The following ADK variants were observed in gnomAD, a reference collection of about 807,000 sequenced individuals.
ADK encodes the protein adenosine kinase.
ADK carries 24 observed loss-of-function variants against 44.7 expected under a neutral mutation model. The observed-to-expected ratio is 0.54, with a 90% CI of 0.39 to 0.76. The LOEUF is 0.76. Among genes scored for constraint, ADK ranks in the 30% least tolerant of loss-of-function variants. The pLI is 0.00. For missense variants in ADK, 321 were observed against 425.1 expected, an observed-to-expected ratio of 0.76 and a Z score of 2.15; for synonymous variants, 128 against 142.6, an observed-to-expected ratio of 0.90 and a Z score of 0.73.
chr10:74,615,747 C>T (rs1409905380), intron 9 of ADK, among the ~76,000 whole-genome samples: 2 of 152,048 alleles, frequency 1.3e-5, no homozygotes, highest in South Asian at 2.1e-4. Flanking sequence ...CTCACTCTGT[C>T]GCCCAGGCTG....
intron 3 of ADK, among the ~76,000 whole-genome samples, chr10:74,262,180 A>G (rs1252445380): frequency 6.6e-6 from 1 of 152,040 alleles, no homozygotes; most frequent in Non-Finnish European, 1.5e-5. Context: ...TTAGCTGGGT[A>G]TGGTGGCAGG....
intron 3 of ADK, among the ~76,000 whole-genome samples, chr10:74,248,165 A>G (rs780416207): frequency 6.6e-6 from 1 of 152,188 alleles, no homozygotes; most frequent in Non-Finnish European, 1.5e-5. Context: ...TGTAGAAGAC[A>G]TGGACTGAGT....
chr10:74,644,826 G>A (rs779392118), intron 9 of ADK, among the ~76,000 whole-genome samples: 2 of 152,060 alleles, frequency 1.3e-5, no homozygotes, highest in Non-Finnish European at 2.9e-5. Context: ...CACCATACCC[G>A]GCCTGGTTTT....
At chr10:74,221,693 A>G (rs1454191805) in intron 2 of ADK, among the ~76,000 whole-genome samples, 11 of 146,692 alleles carry the variant, frequency 7.5e-5, no homozygotes, top group Non-Finnish European at 1.2e-4. Flanking sequence ...ATGGAACAGA[A>G]CAGAGCCCTC....
At chr10:74,603,483 C>T (rs1299977253) in intron 9 of ADK, among the ~76,000 whole-genome samples, 1 of 152,072 alleles carries the variant, frequency 6.6e-6, no homozygotes, top group East Asian at 1.9e-4. Flanking sequence ...TGTTCAATTC[C>T]CACTTATGAG....
At chr10:74,176,496 T>G in intron 1 of ADK, 2 of 1,165,012 alleles carry the variant, frequency 1.7e-6, no homozygotes, top group Non-Finnish European at 2.1e-6. Context: ...GCGCGGCCAT[T>G]TTTGGGGCGG....
intron 10 of ADK, among the ~76,000 whole-genome samples, chr10:74,704,534 T>C (rs891407560): frequency 5.3e-5 from 8 of 152,218 alleles, no homozygotes; most frequent in Non-Finnish European, 1.2e-4. Context: ...TTCATTTTAG[T>C]TGGTTTTTAA....
At chr10:74,660,729 CAAA>C (rs747443907) in intron 9 of ADK, among the ~76,000 whole-genome samples, 4 of 92,830 alleles carry the variant, frequency 4.3e-5, no homozygotes, top group Non-Finnish European at 6.0e-5. Flanking sequence ...GACCCTGTCT[CAAA>C]AAAAAAAAAA....
intron 4 of ADK, among the ~76,000 whole-genome samples, chr10:74,329,611 G>A (rs1841148333): frequency 6.6e-6 from 1 of 152,200 alleles, no homozygotes; most frequent in Non-Finnish European, 1.5e-5. Context: ...ATGGATGGAT[G>A]TTAGGTGACC....
At chr10:74,195,181 A>G (rs530620145) in intron 1 of ADK, among the ~76,000 whole-genome samples, 2 of 152,260 alleles carry the variant, frequency 1.3e-5, no homozygotes, top group African/African-American at 4.8e-5. Context: ...TAATCCCAGT[A>G]CGGGTTAGTC....
At chr10:74,394,362 C>T in intron 5 of ADK, 49 bp downstream of exon 5, 2 of 1,543,702 alleles carry the variant, frequency 1.3e-6, no homozygotes, top group Non-Finnish European at 1.8e-6. Context: ...TATTTTAACA[C>T]TGGTAAAATA....
At chr10:74,446,013 C>T (rs889606884) in intron 6 of ADK, among the ~76,000 whole-genome samples, 3 of 151,930 alleles carry the variant, frequency 2.0e-5, no homozygotes, top group African/African-American at 7.2e-5. Flanking sequence ...TATTTTATTA[C>T]ATTTAAATAG....
chr10:74,346,984 G>C (rs1337890997), intron 4 of ADK, among the ~76,000 whole-genome samples: 1 of 151,638 alleles, frequency 6.6e-6, no homozygotes. Context: ...GTGGGCACCT[G>C]TAGTCCCAGC....
intron 1 of ADK, among the ~76,000 whole-genome samples, chr10:74,172,064 A>C (rs2132056752): frequency 6.6e-6 from 1 of 152,006 alleles, no homozygotes; most frequent in African/African-American, 2.4e-5. Context: ...ATTTTGAGAG[A>C]ATAAACTTTT....
chr10:74,645,869 G>C (rs1234727970), intron 9 of ADK, among the ~76,000 whole-genome samples: 1 of 151,976 alleles, frequency 6.6e-6, no homozygotes, highest in African/African-American at 2.4e-5. Flanking sequence ...GCATTTTTTC[G>C]ATATTATCAT....
Position 74,398,532 on chromosome 10 carries a change from G to A in ADK, c.508G>A (p.Glu170Lys). The A allele has an allele frequency of 6.2e-7, 1 of 1,611,698 alleles. No homozygotes were observed. The highest frequency in any genetic ancestry group is 8.5e-7 in the Non-Finnish European group (1 of 1,178,526). Residue 170 changes from glutamate to lysine, a missense_variant, in exon 6 of 11, where the codon GAG (glutamate) becomes AAG (lysine). Glu to Lys is a moderately conservative substitution (Grantham distance 56). Coordinates refer to ENST00000539909, the MANE Select transcript of ADK (RefSeq NM_006721.4). The part of the protein sequence containing the change: ...CYKKEKHLDL[E>K]KNWMLVEKAR... ...TAAAAAGGAAAAACATCTTGATCTG[G>A]AGAAAAACTGGATGTTGGTAGAAAA...
intron 7 of ADK, among the ~76,000 whole-genome samples, chr10:74,547,712 G>A (rs936672047): frequency 2.0e-5 from 3 of 151,836 alleles, no homozygotes; most frequent in African/African-American, 7.3e-5. Flanking sequence ...GGCTAAGAGT[G>A]CAATAGCGCC....
At chr10:74,174,338 A>AG (rs1842258124) in intron 1 of ADK, 1 of 148,606 alleles carries the variant, frequency 6.7e-6, no homozygotes, top group African/African-American at 2.5e-5. Flanking sequence ...AAAAAAAAAA[A>AG]GAACCAGCTT....
At chr10:74,447,634 A>G (rs549501219) in intron 6 of ADK, among the ~76,000 whole-genome samples, 6 of 152,266 alleles carry the variant, frequency 3.9e-5, no homozygotes, top group African/African-American at 1.4e-4. Flanking sequence ...AGTTAAGATA[A>G]TTCTGAAGGC....
Sources: gnomAD v4.1 joint callset for allele counts (sites outside exome capture counted in the v4.1 genomes callset) on GRCh38, gnomAD v4.1.1 for gene constraint, MANE v1.5 for transcripts, NCBI Gene and HGNC (gene_info 2026-07-23, HGNC 2026-07-21) for gene names.